Variants in KCTD8 observed in about 807,000 individuals in gnomAD.
KCTD8 encodes potassium channel tetramerization domain containing 8.
KCTD8 carries 27 observed loss-of-function variants against 31.5 expected under a neutral mutation model. The ratio of observed to expected loss-of-function variants is 0.86; its 90% CI spans 0.63 to 1.18. KCTD8 has a LOEUF of 1.18. KCTD8 is among the 50% of genes most tolerant of loss of function. The pLI is 0.00. For missense variants in KCTD8, 658 were observed against 647.7 expected, an observed-to-expected ratio of 1.02 and a Z score of -0.17; for synonymous variants, 290 against 280.0, an observed-to-expected ratio of 1.04 and a Z score of -0.36.
chr4:44,354,890 C>A (rs1719302688), intron 1 of KCTD8, among the ~76,000 whole-genome samples: 1 of 152,150 alleles, frequency 6.6e-6, no homozygotes, highest in Admixed American at 6.5e-5. Flanking sequence ...TATTCCCAAT[C>A]TGAAAGGCAA....
intron 1 of KCTD8, among the ~76,000 whole-genome samples, chr4:44,345,857 C>CATTTATACATATACATATAGA (rs1398704913): frequency 1.3e-5 from 2 of 151,746 alleles, no homozygotes; most frequent in African/African-American, 4.8e-5. Context: ...TAATTTAAGA[C>CATTTATACATATACATATAGA]TGATTTATAC....
chr4:44,205,767 T>G (rs1714286573), intron 1 of KCTD8, among the ~76,000 whole-genome samples: 1 of 152,238 alleles, frequency 6.6e-6, no homozygotes, highest in African/African-American at 2.4e-5. Flanking sequence ...CACATGTTTT[T>G]GTGATAAAAT....
chr4:44,268,896 C>A (rs1245053061), intron 1 of KCTD8, among the ~76,000 whole-genome samples: 2 of 152,088 alleles, frequency 1.3e-5, no homozygotes, highest in Non-Finnish European at 1.5e-5. Context: ...AAAGAGGATA[C>A]AAAGAAATGG....
chr4:44,277,655 ATAAT>A (rs1716790960), intron 1 of KCTD8, among the ~76,000 whole-genome samples: 2 of 152,032 alleles, frequency 1.3e-5, no homozygotes, highest in East Asian at 3.9e-4. Flanking sequence ...TAATTAATTA[ATAAT>A]TAATTAGTAA....
chr4:44,262,170 A>C (rs1415043030), intron 1 of KCTD8, among the ~76,000 whole-genome samples: 2 of 152,126 alleles, frequency 1.3e-5, no homozygotes, highest in African/African-American at 4.8e-5. Flanking sequence ...TGGGTTTCAC[A>C]ATAAGAAAGT....
intron 1 of KCTD8, among the ~76,000 whole-genome samples, chr4:44,348,781 C>T (rs886851037): frequency 4.2e-4 from 64 of 152,124 alleles, no homozygotes; most frequent in African/African-American, 1.5e-3. Context: ...GCACAAAAAC[C>T]GGTTATATGA....
chr4:44,198,188 C>T (rs1464053681), intron 1 of KCTD8, among the ~76,000 whole-genome samples: 1 of 151,964 alleles, frequency 6.6e-6, no homozygotes, highest in Non-Finnish European at 1.5e-5. Flanking sequence ...CACTGGCATC[C>T]CTGGGAGAGA....
chr4:44,359,525 G>A (rs1719443352), intron 1 of KCTD8, among the ~76,000 whole-genome samples: 1 of 152,098 alleles, frequency 6.6e-6, no homozygotes, highest in South Asian at 2.1e-4. Context: ...GGAAATATCA[G>A]CAGAACTTGT....
chr4:44,291,849 C>T (rs887175627), intron 1 of KCTD8, among the ~76,000 whole-genome samples: 1 of 151,150 alleles, frequency 6.6e-6, no homozygotes, highest in African/African-American at 2.4e-5. Flanking sequence ...CAAGGACATG[C>T]CAGTGGCCAA....
At chr4:44,209,516 T>TCA (rs898288876) in intron 1 of KCTD8, among the ~76,000 whole-genome samples, 19 of 149,510 alleles carry the variant, frequency 1.3e-4, no homozygotes, top group Non-Finnish European at 2.5e-4. Flanking sequence ...ACACACACTC[T>TCA]CACACACACA....
chr4:44,366,930 C>A (rs1307754957), intron 1 of KCTD8, among the ~76,000 whole-genome samples: 4 of 152,082 alleles, frequency 2.6e-5, no homozygotes, highest in Admixed American at 6.6e-5. Flanking sequence ...ACTTAGAAAC[C>A]TTTAATGAGT....
intron 1 of KCTD8, among the ~76,000 whole-genome samples, chr4:44,346,592 C>T (rs1719043327): frequency 6.6e-6 from 1 of 152,022 alleles, no homozygotes; most frequent in African/African-American, 2.4e-5. Context: ...AAAGATGAAA[C>T]TGGCTCAAAC....
chr4:44,290,853 G>T (rs1717252218), intron 1 of KCTD8, among the ~76,000 whole-genome samples: 1 of 152,014 alleles, frequency 6.6e-6, no homozygotes, highest in Non-Finnish European at 1.5e-5. Context: ...CCTTCATCAA[G>T]AAGTTAGAAA....
At chr4:44,384,182 A>G (rs1720148196) in intron 1 of KCTD8, among the ~76,000 whole-genome samples, 1 of 151,892 alleles carries the variant, frequency 6.6e-6, no homozygotes, top group Admixed American at 6.6e-5. Context: ...TGGTGAGGAT[A>G]AAGGGAAAAG....
chr4:44,362,296 A>G (rs1469817016), intron 1 of KCTD8, among the ~76,000 whole-genome samples: 1 of 152,168 alleles, frequency 6.6e-6, no homozygotes, highest in Non-Finnish European at 1.5e-5. Context: ...AGCAGATGAG[A>G]AGCATAAAGA....
In KCTD8 at chr4:44,319,714, A is replaced by C. The variant is rs143444288; in HGVS notation, c.961+127849T>G. Among the ~76,000 whole-genome samples the C allele has an allele frequency of 6.5e-4, 99 of 152,308 alleles. 1 individual carries two copies. Among genetic ancestry groups the C allele is most frequent in the African/African-American group, 2.2e-3 (93 of 41,576 alleles). ...GAATCTGGAATTTGGAATGCCAAAAAGTAAAGAATTTGGAAGGCCAAAAAA... is the reference window on the plus strand; with the variant it reads ...GAATCTGGAATTTGGAATGCCAAAACGTAAAGAATTTGGAAGGCCAAAAAA... On this transcript the variant is annotated intron_variant, in intron 1 of 1. Coordinates refer to ENST00000360029, the MANE Select transcript of KCTD8 (RefSeq NM_198353.3).
intron 1 of KCTD8, among the ~76,000 whole-genome samples, chr4:44,197,160 T>C (rs929432694): frequency 6.6e-6 from 1 of 151,866 alleles, no homozygotes; most frequent in East Asian, 1.9e-4. Context: ...ACAGGACTCA[T>C]TGGTTTGGGT....
At chr4:44,235,578 T>TAG (rs371875444) in intron 1 of KCTD8, among the ~76,000 whole-genome samples, 7,817 of 63,438 alleles carry the variant, frequency 0.12, 579 homozygotes, top group South Asian at 0.17. Flanking sequence ...TATATATATT[T>TAG]AGAGAGAGAG....
chr4:44,279,724 G>T (rs187067372), intron 1 of KCTD8, among the ~76,000 whole-genome samples: 63 of 152,174 alleles, frequency 4.1e-4, no homozygotes, highest in South Asian at 1.7e-3. Flanking sequence ...TATGCAGGGT[G>T]CAGGGTCTTT....
Sources: allele counts gnomAD v4.1 joint callset (sites outside exome capture counted in the v4.1 genomes callset), GRCh38; gene constraint gnomAD v4.1.1; transcripts MANE v1.5; gene names NCBI Gene and HGNC (gene_info 2026-07-23, HGNC 2026-07-21).